BICRA: variants seen among roughly 807,000 people sequenced by gnomAD.
BICRA encodes BRD4 interacting chromatin remodeling complex associated protein.
A neutral mutation model predicts 96.9 loss-of-function variants in BICRA; 31 were observed. That is an observed-to-expected ratio of 0.32 (90% confidence interval 0.24 to 0.43). The LOEUF is 0.43. BICRA is among the 20% of genes least tolerant of loss of function. The pLI, the probability that BICRA is intolerant of heterozygous loss-of-function variation, is 1.00. For missense variants in BICRA, 2,283 were observed against 2,190.3 expected (o/e 1.04, Z -0.84); for synonymous variants, 1,350 against 1,071.8 (o/e 1.26, Z -5.07).
intron 1 of BICRA, among the ~76,000 whole-genome samples, chr19:47,632,586 C>T (rs145473560): frequency 6.6e-6 from 1 of 152,182 alleles, no homozygotes; most frequent in South Asian, 2.1e-4. Flanking sequence ...GGACTGGGAA[C>T]CGCACGTGTG....
chr19:47,699,142 T>C lies in BICRA; in HGVS notation c.3492+83T>C, dbSNP rs1297096637. ...TTTCCCTCACCCGCTCTGGGCAAGGTGGAGCCTCCCGCCCCTCCTAGCCCC... is the reference window on the plus strand; with the variant it reads ...TTTCCCTCACCCGCTCTGGGCAAGGCGGAGCCTCCCGCCCCTCCTAGCCCC... On this transcript the variant is annotated intron_variant, in intron 13 of 14. Coordinates refer to ENST00000594866, the MANE Select transcript of BICRA (RefSeq NM_001394372.1). This position sits in a 1 kb window ranked among gnomAD's most constrained non-coding sequence, Gnocchi z 5.0. The C allele has an allele frequency of 9.3e-7, 1 of 1,071,176 alleles. No homozygotes were observed. The highest frequency in any genetic ancestry group is 1.6e-5 in the African/African-American group (1 of 63,814). 66.4% of individuals were successfully genotyped at this position (1,071,176 alleles called of 1,614,324 possible). A position where few individuals can be genotyped will look rare whatever the true frequency, so the allele number is the denominator to read the frequency against.
chr19:47,633,746 A>G (rs1972257416), intron 1 of BICRA, among the ~76,000 whole-genome samples: 1 of 152,202 alleles, frequency 6.6e-6, no homozygotes, highest in Admixed American at 6.5e-5. Flanking sequence ...AACACCACCA[A>G]TGGTATTAAT....
chr19:47,693,962 G>A (rs1973281167), intron 7 of BICRA, among the ~76,000 whole-genome samples, 153 bp from the exon 8 acceptor site: 1 of 152,056 alleles, frequency 6.6e-6, no homozygotes, highest in Admixed American at 6.5e-5. Context: ...AGGGAGGGAA[G>A]GGCAGCCGTG....
intron 10 of BICRA, among the ~76,000 whole-genome samples, chr19:47,696,064 G>C (rs1973336848): frequency 6.6e-6 from 1 of 152,104 alleles, no homozygotes; most frequent in Admixed American, 6.5e-5. Context: ...GGGAGGCGGG[G>C]GGGCGAAACG....
chr19:47,637,741 T>A (rs1430632272), intron 1 of BICRA, among the ~76,000 whole-genome samples: 45 of 152,174 alleles, frequency 3.0e-4, no homozygotes, highest in Admixed American at 2.9e-3. Flanking sequence ...TTTCGCTTCC[T>A]GTCTCCATGG....
At chr19:47,697,398 C>T (rs1194223808) in intron 11 of BICRA, among the ~76,000 whole-genome samples, 4 of 151,442 alleles carry the variant, frequency 2.6e-5, no homozygotes, top group Non-Finnish European at 5.9e-5. Context: ...ATGCCCTCAC[C>T]CAAAAAAAAA....
At position 47,694,204 on chromosome 19, in the gene BICRA, G is replaced by A; in HGVS notation, c.2373G>A (p.Leu791=). ...CCCCTCTGGGGGACAGCCCCCACCTGCCCTCCCCACACCCCACCCGGCCCC... is the reference window on the plus strand; with the variant it reads ...CCCCTCTGGGGGACAGCCCCCACCTACCCTCCCCACACCCCACCCGGCCCC... ...HQAPLGDSPH[L]PSPHPTRPPS... The change falls in exon 8 of 15, where the codon CTG becomes CTA. Residue 791 remains leucine (L), a synonymous_variant. Transcript: ENST00000594866. 1.8e-6 allele frequency: 2 copies of A among 1,119,700 alleles called. No individual in the cohort carries two copies. Among genetic ancestry groups the A allele is most frequent in the Non-Finnish European group, 1.1e-6 (1 of 884,584 alleles). The allele number at this position is 1,119,700 out of a possible 1,614,324, so 69.4% of individuals were successfully genotyped here.
chr19:47,699,207 A>G lies in BICRA; in HGVS notation c.3493-96A>G, dbSNP rs970058622. On this transcript the variant is annotated intron_variant, in intron 13 of 14. Transcript: ENST00000594866. The surrounding 1 kb of genome is among the most constrained non-coding windows in gnomAD (Gnocchi z 5.0). Reference sequence around the variant, plus strand: ...GAGGGAGGCGGGAGCTCCCATCACAAGGACAGTTTGGACCTTGCACGCATC... The same window carrying G: ...GAGGGAGGCGGGAGCTCCCATCACAGGGACAGTTTGGACCTTGCACGCATC... 9.1e-6 allele frequency: 8 copies of G among 883,194 alleles called. No individual in the cohort carries two copies. The highest frequency in any genetic ancestry group is 5.0e-5 in the African/African-American group (3 of 60,284). 54.7% of individuals were successfully genotyped at this position (883,194 alleles called of 1,614,324 possible).
intron 1 of BICRA, among the ~76,000 whole-genome samples, chr19:47,610,604 T>G (rs1291724903): frequency 3.6e-5 from 2 of 55,392 alleles, no homozygotes; most frequent in East Asian, 3.7e-4. Flanking sequence ...CGTCCCCTTT[T>G]GTCACCCCCC....
At chr19:47,689,518 C>T (rs1409070422) in intron 7 of BICRA, among the ~76,000 whole-genome samples, 1 of 152,170 alleles carries the variant, frequency 6.6e-6, no homozygotes, top group Non-Finnish European at 1.5e-5. Context: ...TCAAGCAGTT[C>T]TCCCTGCCTC....
intron 1 of BICRA, among the ~76,000 whole-genome samples, chr19:47,660,808 C>T (rs1972692657): frequency 6.6e-6 from 1 of 152,154 alleles, no homozygotes; most frequent in Non-Finnish European, 1.5e-5. Context: ...TCTTGGGTGA[C>T]CTTGGGCAAG....
chr19:47,683,007 C>G (rs1281179225), intron 7 of BICRA, among the ~76,000 whole-genome samples: 1 of 152,120 alleles, frequency 6.6e-6, no homozygotes, highest in African/African-American at 2.4e-5. Flanking sequence ...GCGTAGTATT[C>G]CACTGTGTGG....
chr19:47,652,098 G>A (rs1207143043), intron 1 of BICRA, among the ~76,000 whole-genome samples: 12 of 152,190 alleles, frequency 7.9e-5, no homozygotes, highest in Admixed American at 7.9e-4. Flanking sequence ...TTTTGCCTGT[G>A]TGGCATGTGA....
At position 47,702,450 on chromosome 19, in the gene BICRA, C is replaced by T. The variant is rs1430768263; in HGVS notation, c.*35C>T. 3.5e-6 allele frequency: 5 copies of T among 1,444,680 alleles called. No homozygotes were observed. The highest frequency in any genetic ancestry group is 4.5e-6 in the Non-Finnish European group (5 of 1,112,434). The allele number at this position is 1,444,680 out of a possible 1,614,324, so 89.5% of individuals were successfully genotyped here. A position where few individuals can be genotyped will look rare whatever the true frequency, so the allele number is the denominator to read the frequency against. On this transcript the variant is annotated 3_prime_UTR_variant, in exon 15 of 15. Transcript: ENST00000594866. Reference sequence around the variant, plus strand: ...GCCTCCCCTTCCCCGTCCCCTCCTCCCGAAGACGCCGGGACAGTCGGGTGT... The same window carrying T: ...GCCTCCCCTTCCCCGTCCCCTCCTCTCGAAGACGCCGGGACAGTCGGGTGT...
chr19:47,698,623 T>G lies in BICRA; in HGVS notation c.3249-11T>G. The G allele has an allele frequency of 7.1e-7, 1 of 1,411,970 alleles. No individual in the cohort carries two copies. The highest frequency in any genetic ancestry group is 1.0e-6 in the Non-Finnish European group (1 of 997,948). The allele number at this position is 1,411,970 out of a possible 1,614,324, so 87.5% of individuals were successfully genotyped here. On this transcript the variant is annotated splice_polypyrimidine_tract_variant and intron_variant, in intron 11 of 14. Transcript: ENST00000594866. The surrounding 1 kb of genome is among the most constrained non-coding windows in gnomAD (Gnocchi z 4.8). Reference sequence around the variant, plus strand: ...TCCGCCGTGTGTGGTCTCTCCCCTTTCCACCCGCAGTTTCCTGGAGCATTT... The same window carrying G: ...TCCGCCGTGTGTGGTCTCTCCCCTTGCCACCCGCAGTTTCCTGGAGCATTT...
intron 1 of BICRA, among the ~76,000 whole-genome samples, chr19:47,670,184 G>A (rs1256471714): frequency 6.6e-6 from 1 of 151,500 alleles, no homozygotes; most frequent in Admixed American, 6.6e-5. Context: ...GAACTCCTGA[G>A]CTCCAGTGAT....
At position 47,629,531 on chromosome 19, in the gene BICRA, A is replaced by G. The variant is rs187364713; in HGVS notation, c.-108+20363A>G. 1.3e-3 allele frequency among the ~76,000 whole-genome samples: 194 copies of G among 152,336 alleles called. 1 individual carries two copies. The highest frequency in any genetic ancestry group is 3.4e-3 in the Middle Eastern group (1 of 294). ...TCTCTCCTCTTTAAGGTTGAATAAT[A>G]TTCCGTTGCATGAATAGACCACATT... On this transcript the variant is annotated intron_variant, in intron 1 of 14. Coordinates refer to ENST00000594866, the MANE Select transcript of BICRA (RefSeq NM_001394372.1).
intron 7 of BICRA, among the ~76,000 whole-genome samples, chr19:47,685,134 TA>T (rs1973124771): frequency 6.8e-6 from 1 of 147,908 alleles, no homozygotes; most frequent in Non-Finnish European, 1.5e-5. Flanking sequence ...CACGCACAGC[TA>T]ATTTTTTTTT....
intron 1 of BICRA, among the ~76,000 whole-genome samples, chr19:47,669,419 A>C (rs922757831): frequency 9.2e-5 from 14 of 152,160 alleles, no homozygotes; most frequent in African/African-American, 3.4e-4. Context: ...GTGGCAGCTC[A>C]GCGTTCACGG....
Sources: allele counts gnomAD v4.1 joint callset (sites outside exome capture counted in the v4.1 genomes callset), GRCh38; gene constraint gnomAD v4.1.1; non-coding constraint Gnocchi (gnomAD v3.1); transcripts MANE v1.5; gene names NCBI Gene and HGNC (gene_info 2026-07-23, HGNC 2026-07-21).